The following ASTN2 variants were observed in gnomAD, a reference collection of about 807,000 sequenced individuals.
ASTN2 encodes astrotactin-2.
Under a neutral mutation model 139.8 loss-of-function variants are expected in ASTN2, and 54 were observed. That is an observed-to-expected ratio of 0.39 (90% CI 0.31 to 0.48). The LOEUF (loss-of-function observed/expected upper bound fraction) is 0.48, where lower values mean the gene tolerates loss of function less well. Ranked by LOEUF, ASTN2 falls within the 20% of genes least tolerant of loss-of-function variation. The probability of loss-of-function intolerance (pLI) is 0.95; values close to 1 mark genes in which losing one functional copy is unlikely to be tolerated. For synonymous variants in ASTN2, 756 were observed against 719.5 expected (o/e 1.05, Z -0.81); for missense variants, 1,565 against 1,725.1 (o/e 0.91, Z 1.64).
At chr9:116,633,810 G>A (rs1373978368) in intron 17 of ASTN2, among the ~76,000 whole-genome samples, 1 of 152,140 alleles carries the variant, frequency 6.6e-6, no homozygotes, top group East Asian at 1.9e-4. Flanking sequence ...GAGGGGACAT[G>A]CTTAGTCTAG....
At chr9:117,130,262 T>C (rs569464355) in intron 4 of ASTN2, among the ~76,000 whole-genome samples, 2 of 152,182 alleles carry the variant, frequency 1.3e-5, no homozygotes, top group Non-Finnish European at 2.9e-5. Context: ...TGAGCTGAAA[T>C]CATGCCACTG....
chr9:117,171,566 G>C (rs543942737), intron 3 of ASTN2, among the ~76,000 whole-genome samples: 1 of 152,194 alleles, frequency 6.6e-6, no homozygotes, highest in Admixed American at 6.5e-5. Context: ...TCAATGGAGG[G>C]ACCTGGTGGG....
intron 13 of ASTN2, among the ~76,000 whole-genome samples, chr9:116,793,773 A>G (rs1258549009): frequency 6.6e-6 from 1 of 152,196 alleles, no homozygotes; most frequent in Non-Finnish European, 1.5e-5. Context: ...ACTGATGCAT[A>G]ATCTATATTT....
chr9:116,996,804 T>G (rs1169305510), intron 7 of ASTN2, among the ~76,000 whole-genome samples: 1 of 152,160 alleles, frequency 6.6e-6, no homozygotes, highest in African/African-American at 2.4e-5. Context: ...GATAATATAT[T>G]TATTGTAAGG....
rs1336026046 is a variant in ASTN2, at chr9:116,978,489, T to A, written c.1592-1704A>T. 2.5e-3 allele frequency among the ~76,000 whole-genome samples: 311 copies of A among 125,462 alleles called. 1 individual carries two copies. Among genetic ancestry groups the A allele is most frequent in the Middle Eastern group, 7.8e-3 (2 of 258 alleles). The allele number at this position is 125,462 out of a possible 152,430, so 82.3% of individuals were successfully genotyped here. The stretch of plus-strand genomic sequence containing the variant: ...GTATGTATCTCTCTCTCTCTCTCTC[T>A]CTCACGCACACACACACACACACAC... On this transcript the variant is annotated intron_variant, in intron 7 of 22. Coordinates refer to ENST00000313400, the MANE Select transcript of ASTN2 (RefSeq NM_001365068.1).
intron 5 of ASTN2, among the ~76,000 whole-genome samples, chr9:117,049,828 A>T (rs12006157): frequency 6.6e-6 from 1 of 152,224 alleles, no homozygotes; most frequent in African/African-American, 2.4e-5. Flanking sequence ...TATTCAACGT[A>T]TATTTAGCAG....
chr9:117,276,167 T>G (rs1218613921), intron 2 of ASTN2, among the ~76,000 whole-genome samples: 2 of 152,200 alleles, frequency 1.3e-5, no homozygotes, highest in Admixed American at 6.5e-5. Context: ...ACCAAGTCTG[T>G]ACTTAACATG....
chr9:116,916,195 G>C (rs1350452292), intron 10 of ASTN2, among the ~76,000 whole-genome samples: 3 of 152,186 alleles, frequency 2.0e-5, no homozygotes, highest in Non-Finnish European at 4.4e-5. Flanking sequence ...GTTTCATGTT[G>C]TTGTCTGTCC....
rs561470841 is a variant in ASTN2 at position 116,842,494 on chromosome 9, T to C, written c.2040+21089A>G. ...CTGGTTCTTCTCATCCCAGGAGAGC[T>C]CTGGTGTGCTTCCTGGCATATAAGT... is the stretch of plus-strand genomic sequence containing the variant. On this transcript the variant is annotated intron_variant, in intron 11 of 22. Transcript: ENST00000313400. Among the ~76,000 whole-genome samples, 3 of 152,084 alleles carry C rather than the reference T, an allele frequency of 2.0e-5. No individual in the cohort carries two copies. The East Asian group carries it at 5.8e-4, about 30-fold the overall frequency.
At chr9:116,826,114 G>C (rs564209064) in intron 11 of ASTN2, among the ~76,000 whole-genome samples, 1 of 152,342 alleles carries the variant, frequency 6.6e-6, no homozygotes, top group East Asian at 1.9e-4. Context: ...GTTTTTGACA[G>C]TTTAATGCTG....
chr9:116,686,558 G>C, intron 16 of ASTN2: 2 of 844,236 alleles, frequency 2.4e-6, no homozygotes, highest in Non-Finnish European at 3.8e-6. Flanking sequence ...TGGCCAGCCA[G>C]TCCTGTATCA....
At chr9:117,285,044 G>A (rs543011509) in intron 2 of ASTN2, among the ~76,000 whole-genome samples, 8 of 152,292 alleles carry the variant, frequency 5.3e-5, no homozygotes, top group African/African-American at 1.9e-4. Context: ...GTGCTTGTTA[G>A]CATTATTAAG....
intron 4 of ASTN2, among the ~76,000 whole-genome samples, chr9:117,134,177 C>T (rs1425184303): frequency 3.3e-5 from 5 of 151,052 alleles, no homozygotes; most frequent in South Asian, 4.2e-4. Context: ...AGCAGAGCAA[C>T]GACCCATTAA....
chr9:116,905,176 G>A (rs1286107194), intron 10 of ASTN2, among the ~76,000 whole-genome samples: 2 of 151,998 alleles, frequency 1.3e-5, no homozygotes, highest in Non-Finnish European at 2.9e-5. Flanking sequence ...GGTGGGTGGG[G>A]AGGCAGATTT....
Position 117,414,396 on chromosome 9 carries a change from G to A in ASTN2, c.442+101C>T. On this transcript the variant is annotated intron_variant, in intron 1 of 22. Transcript: ENST00000313400. The surrounding 1 kb of genome is among the most constrained non-coding windows in gnomAD (Gnocchi z 4.2). ...CTACCCTCTGCCAACCCCACTCGGG[G>A]CAGCCCCGGGCAGGGATCCCCAGGG... The A allele has an allele frequency of 2.6e-6, 4 of 1,537,468 alleles. No homozygotes were observed. Among genetic ancestry groups the A allele is most frequent in the South Asian group, 2.4e-5 (2 of 82,388 alleles).
chr9:116,798,113 A>T (rs1830748829), intron 13 of ASTN2, among the ~76,000 whole-genome samples: 1 of 152,162 alleles, frequency 6.6e-6, no homozygotes, highest in South Asian at 2.1e-4. Flanking sequence ...TCTACTAAAG[A>T]TACAAAAACT....
At chr9:117,410,282 C>T (rs1340619787) in intron 1 of ASTN2, among the ~76,000 whole-genome samples, 6 of 152,128 alleles carry the variant, frequency 3.9e-5, no homozygotes, top group Admixed American at 2.0e-4. Flanking sequence ...AAGCAGACCC[C>T]GGGGGCTGCC....
At chr9:117,245,429 G>A (rs1006335934) in intron 2 of ASTN2, among the ~76,000 whole-genome samples, 1 of 152,200 alleles carries the variant, frequency 6.6e-6, no homozygotes, top group Non-Finnish European at 1.5e-5. Context: ...AAGCGGCACA[G>A]GGACAGGGCT....
intron 3 of ASTN2, among the ~76,000 whole-genome samples, chr9:117,169,234 C>T (rs1465495805): frequency 1.3e-5 from 2 of 152,068 alleles, no homozygotes; most frequent in Non-Finnish European, 2.9e-5. Context: ...CATTCATTTT[C>T]CACCCAGGGG....
Sources: allele counts gnomAD v4.1 joint callset (sites outside exome capture counted in the v4.1 genomes callset), GRCh38; gene constraint gnomAD v4.1.1; non-coding constraint Gnocchi (gnomAD v3.1); transcripts MANE v1.5; gene names NCBI Gene and HGNC (gene_info 2026-07-23, HGNC 2026-07-21).